STK32B: variants seen among roughly 807,000 people sequenced by gnomAD.
The protein encoded by STK32B is serine/threonine kinase 32B.
A neutral mutation model predicts 52.6 loss-of-function variants in STK32B; 43 were observed. That is an observed-to-expected ratio of 0.82 (90% CI 0.64 to 1.05). STK32B has a LOEUF of 1.05. STK32B is among the 50% of genes least tolerant of loss of function. The pLI is 0.00. For missense variants in STK32B, 621 were observed against 534.6 expected (o/e 1.16, Z -1.59); for synonymous variants, 238 against 204.3 (o/e 1.17, Z -1.41).
At chr4:5,188,903 A>G (rs1166589125) in intron 3 of STK32B, among the ~76,000 whole-genome samples, 1 of 151,752 alleles carries the variant, frequency 6.6e-6, no homozygotes, top group African/African-American at 2.4e-5. Context: ...TAGGAGAAAT[A>G]CCTAATGTAA....
At chr4:5,163,538 CTGTGTGTGTGTGTGTGTGTGTGTG>C (rs3077842) in intron 2 of STK32B, among the ~76,000 whole-genome samples, 2 of 139,336 alleles carry the variant, frequency 1.4e-5, no homozygotes, top group Non-Finnish European at 3.1e-5. Context: ...AGAGTGAAGG[CTGTGTGTGTGTGTGTGTGTGTGTG>C]TGTGTGTGTG....
chr4:5,042,266 C>T, the STK32B span, among the ~76,000 whole-genome samples: 1 of 152,188 alleles, frequency 6.6e-6, no homozygotes, highest in Non-Finnish European at 1.5e-5. Flanking sequence ...CCATAATTTC[C>T]ATGATCTCTC....
At chr4:5,328,871 G>A (rs975946002) in intron 3 of STK32B, among the ~76,000 whole-genome samples, 4 of 152,180 alleles carry the variant, frequency 2.6e-5, no homozygotes, top group Non-Finnish European at 4.4e-5. Flanking sequence ...TGTTGAGGGG[G>A]AGGAGCATGG....
chr4:5,168,160 T>C, intron 2 of STK32B, 139 bp from the exon 3 acceptor site: 1 of 1,129,492 alleles, frequency 8.9e-7, no homozygotes, highest in Non-Finnish European at 1.2e-6. Flanking sequence ...GTGCCTAACT[T>C]AGCAGAGCTG....
At chr4:5,462,826 C>CA (rs1287913940) in intron 9 of STK32B, among the ~76,000 whole-genome samples, 1 of 152,216 alleles carries the variant, frequency 6.6e-6, no homozygotes, top group Non-Finnish European at 1.5e-5. Flanking sequence ...CAGACATTGC[C>CA]AAGCATCCCC....
chr4:5,195,341 C>T (rs1000441962), intron 3 of STK32B, among the ~76,000 whole-genome samples: 8 of 152,164 alleles, frequency 5.3e-5, no homozygotes, highest in Non-Finnish European at 1.2e-4. Context: ...GCCTCCTCCC[C>T]TTCCTCCTCC....
In STK32B at chr4:5,393,341, G is replaced by A. The variant is rs561076244; in HGVS notation, c.435-4866G>A. Among the ~76,000 whole-genome samples, 4 of 152,276 alleles carry A rather than the reference G, an allele frequency of 2.6e-5. No individual in the cohort carries two copies. The South Asian group carries it at 8.3e-4, about 32-fold the overall frequency. On this transcript the variant is annotated intron_variant, in intron 4 of 11. Coordinates refer to ENST00000282908, the MANE Select transcript of STK32B (RefSeq NM_018401.3). ...ACCATCTCATCCAATCCTCACTGTA[G>A]CCATTAGAGAGGGCATTATTATCCA...
chr4:5,384,351 C>T (rs1040833847), intron 4 of STK32B, among the ~76,000 whole-genome samples: 4 of 151,996 alleles, frequency 2.6e-5, no homozygotes, highest in Non-Finnish European at 5.9e-5. Context: ...GCTATTCAGG[C>T]AGATGTGGGG....
intron 4 of STK32B, among the ~76,000 whole-genome samples, chr4:5,377,309 C>T (rs969924436): frequency 2.0e-5 from 3 of 152,174 alleles, no homozygotes; most frequent in Non-Finnish European, 4.4e-5. Context: ...ATATTAAGAA[C>T]TTACCTTCAA....
At chr4:5,322,199 T>C (rs1329376562) in intron 3 of STK32B, among the ~76,000 whole-genome samples, 1 of 152,098 alleles carries the variant, frequency 6.6e-6, no homozygotes, top group East Asian at 1.9e-4. Flanking sequence ...TCATTGTGAA[T>C]GTTATTAAAG....
chr4:5,303,413 T>G (rs1382527032), intron 3 of STK32B, among the ~76,000 whole-genome samples: 1 of 152,312 alleles, frequency 6.6e-6, no homozygotes, highest in Admixed American at 6.5e-5. Context: ...TGGTTTTTAT[T>G]TACACTTCTG....
chr4:5,163,392 C>A (rs1434323016), intron 2 of STK32B, among the ~76,000 whole-genome samples: 1 of 152,082 alleles, frequency 6.6e-6, no homozygotes, highest in Non-Finnish European at 1.5e-5. Flanking sequence ...AAGGGCACCG[C>A]ATACAGCTTC....
intron 11 of STK32B, among the ~76,000 whole-genome samples, chr4:5,496,040 TGAG>T (rs1259928454): frequency 2.0e-5 from 3 of 152,226 alleles, no homozygotes; most frequent in Non-Finnish European, 4.4e-5. Context: ...GGGACCCACT[TGAG>T]GAGGCAGTCT....
chr4:5,122,803 C>G (rs1715138206), intron 1 of STK32B, among the ~76,000 whole-genome samples: 1 of 152,146 alleles, frequency 6.6e-6, no homozygotes, highest in Non-Finnish European at 1.5e-5. Flanking sequence ...CTGGACCACT[C>G]CCTTGCTGCA....
chr4:5,418,419 A>G (rs921447495), intron 6 of STK32B, among the ~76,000 whole-genome samples: 1 of 152,258 alleles, frequency 6.6e-6, no homozygotes, highest in East Asian at 1.9e-4. Context: ...TAAGAAATAC[A>G]TGTTTAAGGC....
At chr4:5,472,707 A>C (rs562919580) in intron 11 of STK32B, among the ~76,000 whole-genome samples, 1 of 152,314 alleles carries the variant, frequency 6.6e-6, no homozygotes, top group East Asian at 1.9e-4. Context: ...AAATCATATA[A>C]AAGCTACCCC....
chr4:5,132,702 T>C (rs1218147427), intron 1 of STK32B, among the ~76,000 whole-genome samples: 1 of 152,118 alleles, frequency 6.6e-6, no homozygotes, highest in Non-Finnish European at 1.5e-5. Context: ...GATAATAAAT[T>C]GATATTATTT....
At chr4:5,055,428 C>G (rs1382021288) in intron 1 of STK32B, among the ~76,000 whole-genome samples, 1 of 152,070 alleles carries the variant, frequency 6.6e-6, no homozygotes, top group Non-Finnish European at 1.5e-5. Context: ...AGTCACCTCC[C>G]TAAGTCCTTA....
intron 3 of STK32B, among the ~76,000 whole-genome samples, chr4:5,272,796 A>T (rs1171122988): frequency 2.9e-5 from 4 of 137,572 alleles, no homozygotes; most frequent in Non-Finnish European, 6.2e-5. Context: ...ATATGTAGAA[A>T]GCTGAAACTG....
Sources: gnomAD v4.1 joint callset for allele counts (sites outside exome capture counted in the v4.1 genomes callset) on GRCh38, gnomAD v4.1.1 for gene constraint, MANE v1.5 for transcripts, NCBI Gene and HGNC (gene_info 2026-07-23, HGNC 2026-07-21) for gene names.